PRDM5: variants seen among roughly 807,000 people sequenced by gnomAD.
PRDM5 encodes the protein PR/SET domain 5.
In PRDM5, 56 loss-of-function variants were observed where a neutral mutation model predicts 81.2. The ratio of observed to expected loss-of-function variants is 0.69; its 90% CI spans 0.56 to 0.86. PRDM5 has a LOEUF of 0.86. Ranked by LOEUF, PRDM5 falls within the 40% of genes least tolerant of loss-of-function variation. PRDM5 has a pLI of 0.00. For missense variants in PRDM5, 697 were observed against 770.1 expected, an observed-to-expected ratio of 0.91 and a Z score of 1.12; for synonymous variants, 267 against 256.4, an observed-to-expected ratio of 1.04 and a Z score of -0.39.
intron 13 of PRDM5, among the ~76,000 whole-genome samples, chr4:120,760,568 T>C (rs954057561): frequency 6.6e-6 from 1 of 152,190 alleles, no homozygotes; most frequent in East Asian, 1.9e-4. Context: ...AATAGATCTC[T>C]TTCTTTAAAT....
chr4:120,756,927 T>C (rs1337225657), intron 13 of PRDM5, among the ~76,000 whole-genome samples: 1 of 152,206 alleles, frequency 6.6e-6, no homozygotes, highest in African/African-American at 2.4e-5. Context: ...CTAAGATAAT[T>C]CAATATTCAT....
chr4:120,785,364 C>T (rs1418030190), intron 10 of PRDM5, among the ~76,000 whole-genome samples: 1 of 151,998 alleles, frequency 6.6e-6, no homozygotes, highest in African/African-American at 2.4e-5. Context: ...AATCTGAATA[C>T]ACACTGAGAT....
chr4:120,879,100 T>C (rs761352700), intron 2 of PRDM5, among the ~76,000 whole-genome samples: 3 of 152,200 alleles, frequency 2.0e-5, no homozygotes, highest in South Asian at 2.1e-4. Flanking sequence ...CAAATAATTA[T>C]AGCAGTTTTG....
chr4:120,727,826 C>T (rs1364872316), intron 14 of PRDM5, among the ~76,000 whole-genome samples: 1 of 151,706 alleles, frequency 6.6e-6, no homozygotes, highest in Non-Finnish European at 1.5e-5. Flanking sequence ...ATCCCAGCTA[C>T]TTAGGAGGCT....
chr4:120,785,580 C>G (rs1749662501), intron 10 of PRDM5, among the ~76,000 whole-genome samples: 1 of 152,102 alleles, frequency 6.6e-6, no homozygotes, highest in Non-Finnish European at 1.5e-5. Flanking sequence ...TGCTTTTCCC[C>G]TAAATTACAC....
intron 15 of PRDM5, among the ~76,000 whole-genome samples, chr4:120,698,274 T>C (rs74782421): frequency 0.068 from 10,383 of 152,238 alleles, 406 homozygotes; most frequent in African/African-American, 0.092. Context: ...CTGGCACTTT[T>C]GAGCCCTCAT....
At chr4:120,701,677 G>C (rs996921002) in intron 15 of PRDM5, among the ~76,000 whole-genome samples, 10 of 152,102 alleles carry the variant, frequency 6.6e-5, no homozygotes, top group African/African-American at 2.4e-4. Context: ...GAGCAGAGAA[G>C]GAGGGGAGGA....
At chr4:120,804,269 A>C (rs916972182) in intron 8 of PRDM5, among the ~76,000 whole-genome samples, 1 of 151,474 alleles carries the variant, frequency 6.6e-6, no homozygotes, top group South Asian at 2.1e-4. Flanking sequence ...TTAACACCCA[A>C]CTGACAACAT....
intron 2 of PRDM5, among the ~76,000 whole-genome samples, chr4:120,895,266 C>T (rs1486572356): frequency 3.9e-5 from 6 of 152,020 alleles, no homozygotes; most frequent in Non-Finnish European, 8.8e-5. Context: ...TTTTTTAAGG[C>T]AAGAAACTTG....
intron 14 of PRDM5, among the ~76,000 whole-genome samples, chr4:120,741,768 A>G (rs59837089): frequency 0.3 from 45,861 of 152,008 alleles, 7,162 homozygotes; most frequent in Middle Eastern, 0.39. Flanking sequence ...CACCTGGCTC[A>G]GAGGGTCCTA....
At chr4:120,711,779 T>C (rs187345055) in intron 14 of PRDM5, among the ~76,000 whole-genome samples, 248 of 152,318 alleles carry the variant, frequency 1.6e-3, no homozygotes, top group African/African-American at 5.6e-3. Flanking sequence ...CCTTCTTTGA[T>C]ACCAGGAACT....
intron 3 of PRDM5, among the ~76,000 whole-genome samples, chr4:120,841,460 G>T (rs913976781): frequency 3.3e-5 from 5 of 152,140 alleles, no homozygotes; most frequent in Admixed American, 3.3e-4. Flanking sequence ...AGACCTACAT[G>T]TGGCTAATTC....
chr4:120,695,384 A>C (rs982542198), intron 15 of PRDM5, 109 bp from the exon 16 acceptor site: 8 of 1,248,724 alleles, frequency 6.4e-6, no homozygotes, highest in African/African-American at 1.5e-5. Context: ...TACTGCATTT[A>C]ATCGGTGTCC....
intron 2 of PRDM5, among the ~76,000 whole-genome samples, chr4:120,854,000 A>C (rs1224759638): frequency 1.3e-5 from 2 of 152,182 alleles, no homozygotes; most frequent in Non-Finnish European, 2.9e-5. Context: ...CCATAAAAGG[A>C]GAACCTGCTC....
chr4:120,802,531 C>T (rs1270183191), intron 8 of PRDM5, among the ~76,000 whole-genome samples: 2 of 152,252 alleles, frequency 1.3e-5, no homozygotes, highest in Admixed American at 6.5e-5. Flanking sequence ...GATCAGGCAG[C>T]AACATTTGCT....
At chr4:120,761,888 C>G (rs149505706) in intron 13 of PRDM5, among the ~76,000 whole-genome samples, 1 of 152,092 alleles carries the variant, frequency 6.6e-6, no homozygotes, top group African/African-American at 2.4e-5. Context: ...TGACCATGAT[C>G]AAACTTGAAG....
intron 14 of PRDM5, among the ~76,000 whole-genome samples, chr4:120,740,567 A>G (rs1018040788): frequency 1.3e-5 from 2 of 152,068 alleles, no homozygotes; most frequent in Admixed American, 1.3e-4. Flanking sequence ...CCTATTCTTC[A>G]CCACCTATAC....
intron 15 of PRDM5, among the ~76,000 whole-genome samples, chr4:120,699,291 C>T (rs1297272531): frequency 6.7e-6 from 1 of 149,484 alleles, no homozygotes; most frequent in Non-Finnish European, 1.5e-5. Flanking sequence ...CAAATTGCTA[C>T]TGACTAGTAG....
chr4:120,809,984 C>T (rs1753597436), intron 8 of PRDM5, among the ~76,000 whole-genome samples: 1 of 152,162 alleles, frequency 6.6e-6, no homozygotes, highest in African/African-American at 2.4e-5. Flanking sequence ...GACTGTCTAG[C>T]TACAAGAGAA....
Sources: gnomAD v4.1 joint callset for allele counts (sites outside exome capture counted in the v4.1 genomes callset) on GRCh38, gnomAD v4.1.1 for gene constraint, MANE v1.5 for transcripts, NCBI Gene and HGNC (gene_info 2026-07-23, HGNC 2026-07-21) for gene names.